UNC80: variants seen among roughly 807,000 people sequenced by gnomAD.
UNC80 encodes unc-80 subunit of NALCN channel complex.
Under a neutral mutation model 384.6 loss-of-function variants are expected in UNC80, and 164 were observed. The ratio of observed to expected loss-of-function variants is 0.43; its 90% CI spans 0.38 to 0.49. The LOEUF (loss-of-function observed/expected upper bound fraction) is 0.49. Ranked by LOEUF, UNC80 falls within the 20% of genes least tolerant of loss-of-function variation. The pLI, the probability that UNC80 is intolerant of heterozygous loss-of-function variation, is 0.00. For missense variants in UNC80, 3,330 were observed against 4,143.0 expected (o/e 0.80, Z 5.39); for synonymous variants, 1,486 against 1,527.8 (o/e 0.97, Z 0.64).
chr2:209,793,435 T>A (rs534256989), intron 6 of UNC80, among the ~76,000 whole-genome samples: 13 of 152,248 alleles, frequency 8.5e-5, no homozygotes, highest in African/African-American at 3.1e-4. Context: ...AGATACTGGG[T>A]ATGGAGATGA....
intron 49 of UNC80, 109 bp from the exon 50 acceptor site, chr2:209,959,010 C>A: frequency 2.3e-6 from 2 of 885,850 alleles, no homozygotes; most frequent in Non-Finnish European, 3.6e-6. Context: ...GTGAGCTTAT[C>A]AAAATGTATA....
intron 55 of UNC80, among the ~76,000 whole-genome samples, 193 bp from the exon 56 acceptor site, chr2:209,972,871 A>G (rs1279964536): frequency 1.3e-5 from 2 of 152,220 alleles, no homozygotes; most frequent in Non-Finnish European, 2.9e-5. Flanking sequence ...GGTACCCACT[A>G]TGGAGAAAAT....
At chr2:209,910,914 G>A (rs2088856061) in intron 29 of UNC80, among the ~76,000 whole-genome samples, 1 of 152,238 alleles carries the variant, frequency 6.6e-6, no homozygotes, top group Admixed American at 6.5e-5. Context: ...GTTGTGCTAA[G>A]ATGCATGGGG....
At chr2:209,907,030 A>T (rs769581795) in intron 29 of UNC80, among the ~76,000 whole-genome samples, 2 of 152,216 alleles carry the variant, frequency 1.3e-5, no homozygotes, top group Non-Finnish European at 2.9e-5. Flanking sequence ...TTAAGATCCA[A>T]CTTAAATGCC....
chr2:209,945,811 A>G (rs2091890407), intron 46 of UNC80, 36 bp from the exon 47 acceptor site: 2 of 1,430,962 alleles, frequency 1.4e-6, no homozygotes, highest in African/African-American at 1.4e-5. Context: ...TGCAAAATCC[A>G]CTCTGATAGT....
chr2:209,783,868 G>A (rs960923680), intron 4 of UNC80, among the ~76,000 whole-genome samples: 5 of 152,096 alleles, frequency 3.3e-5, no homozygotes, highest in African/African-American at 1.2e-4. Context: ...TTAATTTCCT[G>A]CTTCTACATA....
At chr2:209,889,369 C>A (rs114456368) in intron 26 of UNC80, among the ~76,000 whole-genome samples, 1,975 of 152,244 alleles carry the variant, frequency 0.013, 55 homozygotes, top group African/African-American at 0.045. Context: ...AAAAATAGTT[C>A]AGTATTTTCC....
intron 47 of UNC80, among the ~76,000 whole-genome samples, chr2:209,951,815 C>A (rs1207036245): frequency 6.6e-6 from 1 of 152,138 alleles, no homozygotes; most frequent in African/African-American, 2.4e-5. Flanking sequence ...TCCCTCCCCT[C>A]TCCATTTATG....
At chr2:209,871,797 G>C (rs1026097614) in intron 22 of UNC80, among the ~76,000 whole-genome samples, 1 of 148,974 alleles carries the variant, frequency 6.7e-6, no homozygotes, top group African/African-American at 2.5e-5. Context: ...TCAGCTAAAA[G>C]ATGTTTCTTC....
Position 209,929,861 on chromosome 2 carries a change from T to C in UNC80, c.5807-10T>C. The stretch of plus-strand genomic sequence containing the variant: ...AAAGACAAATGTTCAACTTTCTTTC[T>C]CTTCTGAAGTGAGTGCTGTGGCTCA... On this transcript the variant is annotated splice_polypyrimidine_tract_variant and intron_variant, in intron 36 of 64. Transcript: ENST00000673920. The C allele has an allele frequency of 6.6e-6, 10 of 1,506,138 alleles. No individual in the cohort carries two copies. Among genetic ancestry groups the C allele is most frequent in the Non-Finnish European group, 8.9e-6 (10 of 1,127,734 alleles). The allele number at this position is 1,506,138 out of a possible 1,614,324, so 93.3% of individuals were successfully genotyped here.
intron 22 of UNC80, among the ~76,000 whole-genome samples, chr2:209,858,445 C>T (rs11691952): frequency 0.18 from 26,668 of 152,022 alleles, 3,204 homozygotes; most frequent in African/African-American, 0.34. Flanking sequence ...TGGTGGCTCA[C>T]ACCTGTAATC....
chr2:209,900,144 G>T (rs1004101214), intron 28 of UNC80, among the ~76,000 whole-genome samples: 2 of 152,106 alleles, frequency 1.3e-5, no homozygotes, highest in Non-Finnish European at 2.9e-5. Context: ...ATTCAAATAT[G>T]TATATTTATG....
intron 51 of UNC80, among the ~76,000 whole-genome samples, chr2:209,962,490 G>A (rs1309678851): frequency 6.6e-6 from 1 of 152,156 alleles, no homozygotes; most frequent in African/African-American, 2.4e-5. Context: ...TAAAGTGCTG[G>A]TTGTACATGG....
chr2:209,867,962 A>G (rs13414802), intron 22 of UNC80, among the ~76,000 whole-genome samples: 26,595 of 152,154 alleles, frequency 0.17, 3,213 homozygotes, highest in African/African-American at 0.34. Flanking sequence ...TTTTTAAAAT[A>G]CCCAAAATAT....
intron 18 of UNC80, among the ~76,000 whole-genome samples, chr2:209,836,504 G>C (rs561194074): frequency 6.6e-6 from 1 of 152,316 alleles, no homozygotes; most frequent in East Asian, 1.9e-4. Flanking sequence ...TTTGTTCAGT[G>C]TTCTGTAAAC....
chr2:209,992,148 A>C lies in UNC80; in HGVS notation c.9315-18A>C, dbSNP rs1338808321. The C allele has an allele frequency of 1.3e-6, 2 of 1,550,782 alleles. No individual in the cohort carries two copies. Among genetic ancestry groups the C allele is most frequent in the African/African-American group, 1.4e-5 (1 of 73,116 alleles). On this transcript the variant is annotated intron_variant, in intron 61 of 64. Transcript: ENST00000673920. The stretch of plus-strand genomic sequence containing the variant: ...TGTACTCTCTCCGGGGTACACTAAC[A>C]CTGTTGATGCTTGGCAGGGTGGCAA...
Position 209,819,125 on chromosome 2 carries a change from C to T in UNC80, c.1826C>T (p.Pro609Leu). ...LCNQVPIPEMPHEPLACANLP... is the reference protein window; with the variant it reads ...LCNQVPIPEMLHEPLACANLP... ...AACCAGGTGCCTATCCCGGAGATGC[C>T]ACATGAACCTCTGGCATGTGCTAAC... Residue 609 changes from proline to leucine, a missense_variant, in exon 12 of 65, where the codon CCA becomes CTA. By Grantham distance (98) the Pro-to-Leu change is moderately conservative. This residue lies in a region of UNC80 where 937 missense variants were observed against 1,026.8 expected (regional missense o/e 0.91). Coordinates refer to ENST00000673920, the MANE Select transcript of UNC80 (RefSeq NM_001371986.1). The T allele has an allele frequency of 6.4e-7, 1 of 1,552,208 alleles. No homozygotes were observed. The highest frequency in any genetic ancestry group is 2.4e-5 in the East Asian group (1 of 40,920).
chr2:209,864,716 A>G (rs1384546278), intron 22 of UNC80, among the ~76,000 whole-genome samples: 2 of 152,208 alleles, frequency 1.3e-5, no homozygotes, highest in Admixed American at 6.5e-5. Flanking sequence ...CCTGGCACCA[A>G]CAGGGGAAAA....
intron 7 of UNC80, among the ~76,000 whole-genome samples, chr2:209,810,023 G>T (rs932581886): frequency 1.3e-5 from 2 of 152,204 alleles, no homozygotes; most frequent in African/African-American, 2.4e-5. Flanking sequence ...CCTCCGCGAG[G>T]TTTGACTATG....
Sources: gnomAD v4.1 joint callset for allele counts (sites outside exome capture counted in the v4.1 genomes callset) on GRCh38, gnomAD v4.1.1 for gene constraint, gnomAD v4.1.1 regional missense constraint, MANE v1.5 for transcripts, NCBI Gene and HGNC (gene_info 2026-07-23, HGNC 2026-07-21) for gene names.